PCDHGA5: variants seen among roughly 807,000 people sequenced by gnomAD.
PCDHGA5 encodes protocadherin gamma-A5.
PCDHGA5 carries 36 observed loss-of-function variants against 56.7 expected under a neutral mutation model. That is an observed-to-expected ratio of 0.64 (90% CI 0.49 to 0.84). PCDHGA5 has a LOEUF of 0.84. Ranked by LOEUF, PCDHGA5 falls within the 40% of genes least tolerant of loss-of-function variation. PCDHGA5 has a pLI of 0.00. For missense variants in PCDHGA5, 1,305 were observed against 1,201.5 expected, an observed-to-expected ratio of 1.09 and a Z score of -1.27; for synonymous variants, 563 against 520.2, an observed-to-expected ratio of 1.08 and a Z score of -1.12.
intron 1 of PCDHGA5, chr5:141,371,564 C>T (rs1767846992): frequency 6.2e-7 from 1 of 1,613,818 alleles, no homozygotes; most frequent in Non-Finnish European, 8.5e-7. Context: ...AAGGAAACTT[C>T]CCCTTTAAAA....
chr5:141,399,699 C>A lies in PCDHGA5; in HGVS notation c.2421+32948C>A, dbSNP rs555724833. ...TTGACTACGAGCAGCTGCGCACCTT[C>A]GAACTCACACTACAGGCCCGCGACC... On this transcript the variant is annotated intron_variant, in intron 1 of 3. Coordinates refer to ENST00000518069, the MANE Select transcript of PCDHGA5 (RefSeq NM_018918.3). The A allele has an allele frequency of 1.9e-6, 3 of 1,613,476 alleles. No homozygotes were observed. In the East Asian group the frequency reaches 6.7e-5, roughly 36 times the overall value.
rs569451436 is a variant in PCDHGA5, at chr5:141,389,774, A to G, written c.2421+23023A>G. The G allele has an allele frequency of 2.5e-6, 4 of 1,613,170 alleles. No individual in the cohort carries two copies. The African/African-American group carries it at 5.3e-5, about 21-fold the overall frequency. On this transcript the variant is annotated intron_variant, in intron 1 of 3. Transcript: ENST00000518069. ...GCGAAGTGCGCACAGCGCGTGCCTTAGGCGACAGGGACGCCGTCCGCCAGC... is the reference window on the plus strand; with the variant it reads ...GCGAAGTGCGCACAGCGCGTGCCTTGGGCGACAGGGACGCCGTCCGCCAGC...
chr5:141,371,993 G>C, intron 1 of PCDHGA5: 2 of 1,613,268 alleles, frequency 1.2e-6, no homozygotes, highest in Non-Finnish European at 1.7e-6. Context: ...TCACTCTGCA[G>C]GCCCGCGACC....
intron 1 of PCDHGA5, chr5:141,422,764 G>A: frequency 1.2e-6 from 2 of 1,613,582 alleles, no homozygotes; most frequent in Non-Finnish European, 8.5e-7. Flanking sequence ...CTCCAACACT[G>A]GTGTTCTCTA....
At chr5:141,413,118 G>C (rs999214227) in intron 1 of PCDHGA5, 1 of 1,517,152 alleles carries the variant, frequency 6.6e-7, no homozygotes, top group Non-Finnish European at 8.9e-7. Flanking sequence ...CAAAGGAACC[G>C]GTTGAAACAC....
At chr5:141,413,500 A>C (rs1422297029) in intron 1 of PCDHGA5, 2 of 1,614,034 alleles carry the variant, frequency 1.2e-6, no homozygotes, top group South Asian at 1.1e-5. Flanking sequence ...GTGCGTGGTG[A>C]GTTTTAATAT....
At chr5:141,426,933 G>A (rs1294433096) in intron 1 of PCDHGA5, 1 of 456,660 alleles carries the variant, frequency 2.2e-6, no homozygotes, top group Non-Finnish European at 4.4e-6. Context: ...GGACATGGGT[G>A]ACCCAGTCCC....
In PCDHGA5 at chr5:141,394,778, C is replaced by T. The variant is rs377451053; in HGVS notation, c.2421+28027C>T. ...AGGACCATGGCCAGCCCCCTCTCTC[C>T]GCCACTGTCACGCTCACCGTAGCCG... On this transcript the variant is annotated intron_variant, in intron 1 of 3. Transcript: ENST00000518069. 8 of 1,613,514 alleles carry T rather than the reference C, an allele frequency of 5.0e-6. No individual in the cohort carries two copies. In the South Asian group the frequency reaches 7.7e-5, roughly 15 times the overall value.
chr5:141,431,178 TAA>T lies in PCDHGA5; in HGVS notation c.2422-63625_2422-63624del. On this transcript the variant is annotated intron_variant, in intron 1 of 3. Transcript: ENST00000518069. This position sits in a 1 kb window ranked among gnomAD's most constrained non-coding sequence, Gnocchi z 4.8. ...TACTTTCGTGAAAGTGAATTAGAAA[TAA>T]AAATTAGTGAAAATGCAGCCACTGA... is the stretch of plus-strand genomic sequence containing the variant. 1 of 1,614,078 alleles carries T rather than the reference TAA, an allele frequency of 6.2e-7. No homozygotes were observed. Among genetic ancestry groups the T allele is most frequent in the Non-Finnish European group, 8.5e-7 (1 of 1,180,000 alleles).
chr5:141,409,927 C>T, intron 1 of PCDHGA5: 5 of 1,613,342 alleles, frequency 3.1e-6, no homozygotes, highest in Middle Eastern at 1.6e-4. Flanking sequence ...CCGCGTTCTT[C>T]GATATGGTAC....
chr5:141,477,710 GA>G lies in PCDHGA5; in HGVS notation c.2422-17095del. ...GCCCCTAGACTATGAGGATCGGCGG[GA>G]ATTTGAATTAACAGCTCATATCAGC... On this transcript the variant is annotated intron_variant, in intron 1 of 3. Coordinates refer to ENST00000518069, the MANE Select transcript of PCDHGA5 (RefSeq NM_018918.3). This position sits in a 1 kb window ranked among gnomAD's most constrained non-coding sequence, Gnocchi z 4.9. 2 of 1,613,918 alleles carry G rather than the reference GA, an allele frequency of 1.2e-6. No individual in the cohort carries two copies. Among genetic ancestry groups the G allele is most frequent in the Non-Finnish European group, 1.7e-6 (2 of 1,180,044 alleles).
chr5:141,415,740 GTTTTTTTTTTTTTTTTTT>G (rs57426385), intron 1 of PCDHGA5: 9 of 625,028 alleles, frequency 1.4e-5, no homozygotes, highest in African/African-American at 5.0e-5. Flanking sequence ...GTTTATTAAG[GTTTTTTTTTTTTTTTTTT>G]TTTTTTTTTT....
rs114776679 is a variant in PCDHGA5, at chr5:141,400,351, G to A, written c.2421+33600G>A. The A allele has an allele frequency of 1.1e-3, 1,779 of 1,614,070 alleles. 15 individuals are homozygous for A. The African/African-American group carries it at 0.021, about 19-fold the overall frequency. On this transcript the variant is annotated intron_variant, in intron 1 of 3. Coordinates refer to ENST00000518069, the MANE Select transcript of PCDHGA5 (RefSeq NM_018918.3). ...TGTGGTTCCCCCCAACTACAGTCAG[G>A]GGACTTTGCCTTATTCCTACAACCT...
intron 1 of PCDHGA5, chr5:141,398,640 ACT>A (rs2093681875): frequency 1.9e-6 from 3 of 1,613,828 alleles, no homozygotes; most frequent in Non-Finnish European, 2.5e-6. Flanking sequence ...AGAAGTATAA[ACT>A]CTCTCTTAAC....
rs2099400874 is a variant in PCDHGA5 at position 141,476,888 on chromosome 5, C to T, written c.2422-17919C>T. On this transcript the variant is annotated intron_variant, in intron 1 of 3. Transcript: ENST00000518069. This position sits in a 1 kb window ranked among gnomAD's most constrained non-coding sequence, Gnocchi z 7.6. ...CCGGGCGCGCGTCCTGGAGGATGCA[C>T]CCTCCGGCACGCGCGTGGTACAAGT... is the stretch of plus-strand genomic sequence containing the variant. 1.2e-6 allele frequency: 2 copies of T among 1,613,964 alleles called. No homozygotes were observed. The highest frequency in any genetic ancestry group is 1.7e-6 in the Non-Finnish European group (2 of 1,180,030).
intron 1 of PCDHGA5, among the ~76,000 whole-genome samples, chr5:141,480,615 AT>A (rs1279544819): frequency 2.0e-5 from 3 of 152,218 alleles, no homozygotes; most frequent in African/African-American, 7.2e-5. Context: ...AGCAACTGGC[AT>A]TTTCCCTAGA....
intron 1 of PCDHGA5, among the ~76,000 whole-genome samples, chr5:141,451,804 C>G (rs914303400): frequency 9.2e-5 from 14 of 151,946 alleles, no homozygotes; most frequent in African/African-American, 3.4e-4. Context: ...TTGCTTGAAC[C>G]CAGGAGGCGG....
At chr5:141,397,279 G>A (rs1208403541) in intron 1 of PCDHGA5, among the ~76,000 whole-genome samples, 1 of 152,168 alleles carries the variant, frequency 6.6e-6, no homozygotes, top group East Asian at 1.9e-4. Context: ...CATATGGGCA[G>A]TATACTTGAA....
At chr5:141,419,617 C>G (rs780077182) in intron 1 of PCDHGA5, 1 of 1,612,280 alleles carries the variant, frequency 6.2e-7, no homozygotes. Flanking sequence ...AGCCAGGCTA[C>G]CTGGTGACCA....
Sources: gnomAD v4.1 joint callset for allele counts (sites outside exome capture counted in the v4.1 genomes callset) on GRCh38, gnomAD v4.1.1 for gene constraint, Gnocchi (gnomAD v3.1) non-coding constraint, MANE v1.5 for transcripts, NCBI Gene and HGNC (gene_info 2026-07-23, HGNC 2026-07-21) for gene names.